The following LDB2 variants were observed in gnomAD, a reference collection of about 807,000 sequenced individuals.
LDB2 encodes LIM domain binding 2.
A neutral mutation model predicts 44.3 loss-of-function variants in LDB2; 12 were observed. The observed-to-expected ratio is 0.27, with a 90% CI of 0.17 to 0.44. The LOEUF (loss-of-function observed/expected upper bound fraction) is 0.44. Ranked by LOEUF, LDB2 falls within the 20% of genes least tolerant of loss-of-function variation. The pLI is 1.00. For missense variants in LDB2, 344 were observed against 473.5 expected, an observed-to-expected ratio of 0.73 and a Z score of 2.54; for synonymous variants, 164 against 174.8, an observed-to-expected ratio of 0.94 and a Z score of 0.49.
At chr4:16,591,383 GGCCTAC>G (rs1718902133) in intron 3 of LDB2, among the ~76,000 whole-genome samples, 1 of 152,064 alleles carries the variant, frequency 6.6e-6, no homozygotes, top group Non-Finnish European at 1.5e-5. Context: ...AATTGTCATG[GGCCTAC>G]AAATGGAAAA....
At chr4:16,777,211 C>T (rs1186671202) in intron 1 of LDB2, among the ~76,000 whole-genome samples, 4 of 152,062 alleles carry the variant, frequency 2.6e-5, no homozygotes, top group Admixed American at 6.6e-5. Context: ...ATCCTCTCGA[C>T]GATGATCAAA....
At chr4:16,615,524 A>C (rs755191266) in intron 2 of LDB2, among the ~76,000 whole-genome samples, 1 of 152,114 alleles carries the variant, frequency 6.6e-6, no homozygotes, top group Non-Finnish European at 1.5e-5. Flanking sequence ...CAAACACCAC[A>C]TGTTCTCGCT....
In LDB2 at chr4:16,737,888, C is replaced by T. The variant is rs568694903; in HGVS notation, c.235+21270G>A. On this transcript the variant is annotated intron_variant, in intron 2 of 7. Transcript: ENST00000304523. ...TCAATGAACATATATATGTCCCTTG[C>T]ATTTCTTCTCCAACAATTTCTATTT... Among the ~76,000 whole-genome samples, 14 of 152,224 alleles carry T rather than the reference C, an allele frequency of 9.2e-5. No homozygotes were observed. The East Asian group carries it at 2.7e-3, about 29-fold the overall frequency.
At chr4:16,633,185 G>C (rs1168116239) in intron 2 of LDB2, among the ~76,000 whole-genome samples, 5 of 152,002 alleles carry the variant, frequency 3.3e-5, no homozygotes, top group Non-Finnish European at 7.4e-5. Context: ...ACTATCACAA[G>C]GACAGAAAAC....
At chr4:16,712,135 G>A (rs1167301169) in intron 2 of LDB2, among the ~76,000 whole-genome samples, 5 of 152,138 alleles carry the variant, frequency 3.3e-5, no homozygotes, top group African/African-American at 9.7e-5. Context: ...CAGTACACAC[G>A]CTTGGAGAAA....
intron 5 of LDB2, among the ~76,000 whole-genome samples, chr4:16,541,030 T>C (rs1733581343): frequency 6.6e-6 from 1 of 152,230 alleles, no homozygotes; most frequent in Non-Finnish European, 1.5e-5. Context: ...TGTTAAACTT[T>C]AACATTGTGC....
At chr4:16,760,084 G>A (rs1020130139) in intron 1 of LDB2, among the ~76,000 whole-genome samples, 10 of 152,128 alleles carry the variant, frequency 6.6e-5, no homozygotes, top group African/African-American at 1.7e-4. Flanking sequence ...ATATTTACAG[G>A]AGGAATCACA....
intron 1 of LDB2, among the ~76,000 whole-genome samples, chr4:16,845,325 C>T (rs1786757569): frequency 6.6e-6 from 1 of 152,192 alleles, no homozygotes; most frequent in Admixed American, 6.5e-5. Flanking sequence ...CTCCTCTCAG[C>T]TCTTTCTGTG....
chr4:16,868,259 C>A (rs1391420189), intron 1 of LDB2, among the ~76,000 whole-genome samples: 1 of 152,116 alleles, frequency 6.6e-6, no homozygotes, highest in Non-Finnish European at 1.5e-5. Context: ...GAACAGGGAC[C>A]AGACCTCTAA....
At chr4:16,659,380 C>T (rs894594246) in intron 2 of LDB2, among the ~76,000 whole-genome samples, 3 of 152,176 alleles carry the variant, frequency 2.0e-5, no homozygotes. Context: ...CTGAAGTCAA[C>T]ATGACTTAAG....
At chr4:16,766,794 G>A (rs572042106) in intron 1 of LDB2, among the ~76,000 whole-genome samples, 5 of 152,034 alleles carry the variant, frequency 3.3e-5, no homozygotes, top group African/African-American at 4.8e-5. Flanking sequence ...GCATGAGCGT[G>A]CTTGGCCCCA....
At chr4:16,747,271 T>G (rs1764581589) in intron 2 of LDB2, among the ~76,000 whole-genome samples, 1 of 152,166 alleles carries the variant, frequency 6.6e-6, no homozygotes, top group Admixed American at 6.5e-5. Flanking sequence ...TTACTGATTT[T>G]GGGCCCATCT....
At chr4:16,556,976 G>T (rs955490454) in intron 5 of LDB2, among the ~76,000 whole-genome samples, 32 of 152,122 alleles carry the variant, frequency 2.1e-4, no homozygotes, top group African/African-American at 7.5e-4. Flanking sequence ...TCTATGTGTT[G>T]ATATTATCAT....
chr4:16,805,489 C>T (rs1379071824), intron 1 of LDB2, among the ~76,000 whole-genome samples: 2 of 152,166 alleles, frequency 1.3e-5, no homozygotes, highest in Admixed American at 1.3e-4. Flanking sequence ...TGTCCAGTGT[C>T]TCCTGGGGAG....
intron 5 of LDB2, among the ~76,000 whole-genome samples, chr4:16,584,543 ATTATGAGACTACT>A (rs1216345226): frequency 1.3e-5 from 2 of 152,232 alleles, no homozygotes; most frequent in African/African-American, 2.4e-5. Context: ...CACAGGGTCC[ATTATGAGACTACT>A]TCAGTCACAA....
At chr4:16,885,154 T>TAAA (rs57704740) in intron 1 of LDB2, among the ~76,000 whole-genome samples, 21 of 94,792 alleles carry the variant, frequency 2.2e-4, no homozygotes, top group East Asian at 3.4e-4. Flanking sequence ...ATACCACTTC[T>TAAA]AAAAAAAAAA....
chr4:16,635,799 T>C (rs904065822), intron 2 of LDB2, among the ~76,000 whole-genome samples: 2 of 152,240 alleles, frequency 1.3e-5, no homozygotes, highest in Non-Finnish European at 2.9e-5. Context: ...TCTAATCTTC[T>C]ATCAGTTAGC....
intron 1 of LDB2, among the ~76,000 whole-genome samples, chr4:16,768,239 A>C (rs1346474066): frequency 6.6e-6 from 1 of 152,104 alleles, no homozygotes; most frequent in Non-Finnish European, 1.5e-5. Context: ...AGTGGAGAGC[A>C]TTCTGAAGGG....
At chr4:16,774,115 A>G (rs1347284128) in intron 1 of LDB2, among the ~76,000 whole-genome samples, 1 of 139,168 alleles carries the variant, frequency 7.2e-6, no homozygotes, top group African/African-American at 2.7e-5. Flanking sequence ...AGATCACGCC[A>G]TTGCACTCCA....
Sources: gnomAD v4.1 joint callset for allele counts (sites outside exome capture counted in the v4.1 genomes callset) on GRCh38, gnomAD v4.1.1 for gene constraint, MANE v1.5 for transcripts, NCBI Gene and HGNC (gene_info 2026-07-23, HGNC 2026-07-21) for gene names.